The following KBTBD11 variants were observed in gnomAD, a reference collection of about 807,000 sequenced individuals.
KBTBD11 encodes the protein kelch repeat and BTB domain containing 11.
For missense variants in KBTBD11, 1,390 were observed against 1,001.8 expected (o/e 1.39, Z -5.23); for synonymous variants, 747 against 499.0 (o/e 1.50, Z -6.63).
At chr8:1,989,360 C>T (rs1296351276) in intron 1 of KBTBD11, among the ~76,000 whole-genome samples, 1 of 152,186 alleles carries the variant, frequency 6.6e-6, no homozygotes, top group Non-Finnish European at 1.5e-5. Context: ...ATCTGTGATT[C>T]CAGTGAGCAC....
Position 2,002,914 on chromosome 8 carries a change from G to T in KBTBD11, c.1722G>T (p.Gln574His). 7.6e-7 allele frequency: 1 copy of T among 1,322,986 alleles called. No homozygotes were observed. The highest frequency in any genetic ancestry group is 9.6e-7 in the Non-Finnish European group (1 of 1,040,202). The allele number at this position is 1,322,986 out of a possible 1,614,324, so 82.0% of individuals were successfully genotyped here. The change falls in exon 2 of 2, where the codon CAG becomes CAT. Residue 574 changes from glutamine to histidine, a missense_variant. Transcript: ENST00000320248. This position sits in a 1 kb window ranked among gnomAD's most constrained non-coding sequence, Gnocchi z 4.1. The stretch of plus-strand genomic sequence containing the variant: ...GCCGCGCGGGCACCTGGCGCTTCCA[G>T]CCTGCCCGGGAAGGCGAGGCCGGCG... The part of the protein sequence containing the change: ...CVSRAGTWRF[Q>H]PAREGEAGGD...
At chr8:1,992,630 C>G (rs1445627314) in intron 1 of KBTBD11, among the ~76,000 whole-genome samples, 1 of 151,950 alleles carries the variant, frequency 6.6e-6, no homozygotes, top group Non-Finnish European at 1.5e-5. Context: ...ATCCCAATCC[C>G]CATCCTTATT....
Position 2,006,440 on chromosome 8 carries a change from A to G in KBTBD11, c.*3376A>G, listed in dbSNP as rs1394378848. On this transcript the variant is annotated 3_prime_UTR_variant, in exon 2 of 2. Transcript: ENST00000320248. ...AGTTCTGTTTTTGGGTTAAAAATCA[A>G]TCAACTTTCTGATATTTCCCCTTCT... 1 of 166,924 alleles carries G rather than the reference A, an allele frequency of 6.0e-6. No individual in the cohort carries two copies. The highest frequency in any genetic ancestry group is 1.5e-5 in the Non-Finnish European group (1 of 68,124). 10.3% of individuals were successfully genotyped at this position (166,924 alleles called of 1,614,324 possible).
At chr8:1,983,289 C>T (rs1330819973) in intron 1 of KBTBD11, among the ~76,000 whole-genome samples, 2 of 152,206 alleles carry the variant, frequency 1.3e-5, no homozygotes, top group Non-Finnish European at 2.9e-5. Context: ...ATGACCTCAT[C>T]TAGGCCAGGT....
intron 1 of KBTBD11, among the ~76,000 whole-genome samples, chr8:1,981,213 GGAGA>G (rs1816529647): frequency 6.6e-6 from 1 of 152,114 alleles, no homozygotes; most frequent in African/African-American, 2.4e-5. Context: ...GAAATGAAGG[GGAGA>G]GAAAGACTTT....
At position 2,001,660 on chromosome 8, in the gene KBTBD11, G is replaced by A. The variant is rs1292233828; in HGVS notation, c.468G>A (p.Ala156=). The change falls in exon 2 of 2, where the codon GCG becomes GCA. Residue 156 remains alanine, a synonymous_variant. Transcript: ENST00000320248. ...GGCGCCGGCTGCGCGCGCACAAGGCGGTGCTGGCGGCGCGCAGCGACTACT... is the reference window on the plus strand; with the variant it reads ...GGCGCCGGCTGCGCGCGCACAAGGCAGTGCTGGCGGCGCGCAGCGACTACT... The part of the protein sequence containing the change: ...VSGRRLRAHK[A]VLAARSDYFR... 1.1e-5 allele frequency: 16 copies of A among 1,468,530 alleles called. No individual in the cohort carries two copies. Among genetic ancestry groups the A allele is most frequent in the South Asian group, 5.1e-5 (4 of 77,798 alleles). The allele number at this position is 1,468,530 out of a possible 1,614,324, so 91.0% of individuals were successfully genotyped here. A position where few individuals can be genotyped will look rare whatever the true frequency, so the allele number is the denominator to read the frequency against.
intron 1 of KBTBD11, among the ~76,000 whole-genome samples, chr8:1,980,632 T>C (rs1816509382): frequency 6.6e-6 from 1 of 152,214 alleles, no homozygotes; most frequent in African/African-American, 2.4e-5. Flanking sequence ...GGCTGTGGCA[T>C]GGCCGGGTTG....
chr8:1,985,806 A>C (rs1396091086), intron 1 of KBTBD11, among the ~76,000 whole-genome samples: 1 of 152,256 alleles, frequency 6.6e-6, no homozygotes, highest in Non-Finnish European at 1.5e-5. Context: ...CAAACAATGA[A>C]GTAAAAACCA....
At chr8:1,989,887 CAGCTCACT>C (rs2129312263) in intron 1 of KBTBD11, among the ~76,000 whole-genome samples, 1 of 148,872 alleles carries the variant, frequency 6.7e-6, no homozygotes, top group African/African-American at 2.5e-5. Context: ...TTGTGAGGGC[CAGCTCACT>C]AGGGAACAGA....
intron 1 of KBTBD11, among the ~76,000 whole-genome samples, chr8:1,986,007 C>T (rs966604233): frequency 6.6e-6 from 1 of 152,252 alleles, no homozygotes; most frequent in African/African-American, 2.4e-5. Flanking sequence ...TTCCTGCTCA[C>T]ATAACTGCAC....
At chr8:1,994,821 G>A (rs1489698614) in intron 1 of KBTBD11, among the ~76,000 whole-genome samples, 2 of 152,164 alleles carry the variant, frequency 1.3e-5, no homozygotes, top group Admixed American at 6.5e-5. Context: ...CACTTTGGGA[G>A]GCCAAGGTGG....
intron 1 of KBTBD11, among the ~76,000 whole-genome samples, chr8:1,981,332 C>A (rs1004262490): frequency 2.0e-5 from 3 of 152,148 alleles, no homozygotes; most frequent in African/African-American, 4.8e-5. Flanking sequence ...TAATTAGTAA[C>A]ATGAAAACAT....
chr8:1,985,646 T>G (rs1816686591), intron 1 of KBTBD11, among the ~76,000 whole-genome samples: 1 of 152,248 alleles, frequency 6.6e-6, no homozygotes, highest in African/African-American at 2.4e-5. Context: ...AAACCTGCAT[T>G]TTAGAGAAAA....
intron 1 of KBTBD11, among the ~76,000 whole-genome samples, chr8:1,987,171 C>CAAAAAAA (rs1816733169): frequency 6.6e-6 from 1 of 152,178 alleles, no homozygotes; most frequent in Admixed American, 6.5e-5. Context: ...GCCTGTCCTT[C>CAAAAAAA]CTCTCTCTGT....
At position 2,002,438 on chromosome 8, in the gene KBTBD11, G is replaced by C; in HGVS notation, c.1246G>C (p.Ala416Pro). The C allele has an allele frequency of 6.6e-7, 1 of 1,505,140 alleles. No homozygotes were observed. Among genetic ancestry groups the C allele is most frequent in the East Asian group, 2.7e-5 (1 of 37,560 alleles). 93.2% of individuals were successfully genotyped at this position (1,505,140 alleles called of 1,614,324 possible). A position where few individuals can be genotyped will look rare whatever the true frequency, so the allele number is the denominator to read the frequency against. Residue 416 changes from alanine to proline, a missense_variant, in exon 2 of 2, where the codon GCC (alanine) becomes CCC (proline). Ala to Pro is a conservative substitution (Grantham distance 27, BLOSUM62 -1). Coordinates refer to ENST00000320248, the MANE Select transcript of KBTBD11 (RefSeq NM_014867.3). This position sits in a 1 kb window ranked among gnomAD's most constrained non-coding sequence, Gnocchi z 4.1. ...GCTGGCCCTGGACGGTCACCTCTAC[G>C]CCGTGGGCGGCGAGTGCCTGCTCAG... ...RLLALDGHLY[A>P]VGGECLLSVE...
rs1452587107 is a variant in KBTBD11 at position 2,002,541 on chromosome 8, A to G, written c.1349A>G (p.His450Arg). The change falls in exon 2 of 2, where the codon CAT (histidine) becomes CGT (arginine). Residue 450 changes from histidine to arginine, a missense_variant. Transcript: ENST00000320248. This position sits in a 1 kb window ranked among gnomAD's most constrained non-coding sequence, Gnocchi z 4.1. ...CCCCGGGGCGCCTTCGCCGTGGCGC[A>G]TGAGGCCACCACCTGCCACGGCGAG... ...PLPRGAFAVAHEATTCHGEIY... is the reference protein window; with the variant it reads ...PLPRGAFAVAREATTCHGEIY... The G allele has an allele frequency of 5.1e-6, 8 of 1,562,342 alleles. No homozygotes were observed. The highest frequency in any genetic ancestry group is 6.9e-6 in the Non-Finnish European group (8 of 1,164,608).
In KBTBD11 at chr8:2,001,792, G is replaced by A. The variant is rs2129316477; in HGVS notation, c.600G>A (p.Arg200=). The A allele has an allele frequency of 8.0e-7, 1 of 1,255,452 alleles. No homozygotes were observed. The highest frequency in any genetic ancestry group is 1.0e-6 in the Non-Finnish European group (1 of 1,004,180). The allele number at this position is 1,255,452 out of a possible 1,614,324, so 77.8% of individuals were successfully genotyped here. A position where few individuals can be genotyped will look rare whatever the true frequency, so the allele number is the denominator to read the frequency against. Residue 200 remains arginine, a synonymous_variant, in exon 2 of 2, where the codon CGG becomes CGA. Coordinates refer to ENST00000320248, the MANE Select transcript of KBTBD11 (RefSeq NM_014867.3). ...DAYSGRMAGV[R]PDNVAEVVAG... is the part of the protein sequence containing the mutation. ...ACAGCGGGCGCATGGCGGGCGTGCGGCCCGACAACGTGGCCGAGGTGGTGG... is the reference window on the plus strand; with the variant it reads ...ACAGCGGGCGCATGGCGGGCGTGCGACCCGACAACGTGGCCGAGGTGGTGG...
At chr8:1,986,090 A>T (rs1385779240) in intron 1 of KBTBD11, among the ~76,000 whole-genome samples, 1 of 152,202 alleles carries the variant, frequency 6.6e-6, no homozygotes, top group East Asian at 1.9e-4. Flanking sequence ...ACAATGACAA[A>T]TCAATTCTCA....
chr8:1,984,797 A>C (rs180981889), intron 1 of KBTBD11, among the ~76,000 whole-genome samples: 1 of 152,294 alleles, frequency 6.6e-6, no homozygotes, highest in African/African-American at 2.4e-5. Flanking sequence ...TCGTATCATT[A>C]AACGAAAGTG....
Sources: gnomAD v4.1 joint callset for allele counts (sites outside exome capture counted in the v4.1 genomes callset) on GRCh38, gnomAD v4.1.1 for gene constraint, Gnocchi (gnomAD v3.1) non-coding constraint, MANE v1.5 for transcripts, NCBI Gene and HGNC (gene_info 2026-07-23, HGNC 2026-07-21) for gene names.